Variants in CDK14 observed in about 807,000 individuals in gnomAD.
CDK14 encodes cyclin-dependent kinase 14.
Under a neutral mutation model 60.7 loss-of-function variants are expected in CDK14, and 34 were observed. The observed-to-expected ratio is 0.56, with a 90% CI of 0.43 to 0.75. The LOEUF is 0.75. Ranked by LOEUF, CDK14 falls within the 30% of genes least tolerant of loss-of-function variation. The pLI is 0.00. For missense variants in CDK14, 482 were observed against 564.1 expected, an observed-to-expected ratio of 0.85 and a Z score of 1.47; for synonymous variants, 197 against 203.7, an observed-to-expected ratio of 0.97 and a Z score of 0.28.
intron 10 of CDK14, among the ~76,000 whole-genome samples, chr7:90,994,661 C>T (rs1281983947): frequency 6.6e-6 from 1 of 152,160 alleles, no homozygotes; most frequent in East Asian, 1.9e-4. Context: ...CTCCTTATAG[C>T]CATTATATTA....
chr7:90,782,315 G>T (rs926164005), intron 4 of CDK14, among the ~76,000 whole-genome samples: 2 of 151,918 alleles, frequency 1.3e-5, no homozygotes, highest in Admixed American at 6.6e-5. Flanking sequence ...GGAGATTTTG[G>T]GCTGAGACAA....
chr7:90,890,151 T>A (rs1792069369), intron 6 of CDK14, among the ~76,000 whole-genome samples: 1 of 152,178 alleles, frequency 6.6e-6, no homozygotes, highest in Non-Finnish European at 1.5e-5. Flanking sequence ...GGTGGAAGGA[T>A]CACCTAAGAC....
intron 7 of CDK14, among the ~76,000 whole-genome samples, chr7:90,916,902 A>G (rs552036264): frequency 3.2e-4 from 49 of 152,310 alleles, no homozygotes; most frequent in Non-Finnish European, 6.0e-4. Context: ...ATTTCTTCCA[A>G]AAGTATTACT....
intron 6 of CDK14, among the ~76,000 whole-genome samples, chr7:90,891,195 G>A (rs1792113424): frequency 6.6e-6 from 1 of 152,162 alleles, no homozygotes; most frequent in Non-Finnish European, 1.5e-5. Flanking sequence ...CATTGAAAGG[G>A]TGGCTTAGAG....
intron 14 of CDK14, among the ~76,000 whole-genome samples, chr7:91,170,917 C>A (rs140550514): frequency 6.6e-6 from 1 of 150,550 alleles, no homozygotes; most frequent in African/African-American, 2.4e-5. Context: ...CAGGTGTGCA[C>A]CACCATACCC....
chr7:90,815,559 A>G (rs934692894), intron 5 of CDK14, among the ~76,000 whole-genome samples: 1 of 151,110 alleles, frequency 6.6e-6, no homozygotes, highest in African/African-American at 2.4e-5. Flanking sequence ...CAGCAGTCCC[A>G]TTACTGGGTA....
intron 11 of CDK14, among the ~76,000 whole-genome samples, chr7:91,066,951 CTG>C (rs1798002133): frequency 6.6e-6 from 1 of 152,186 alleles, no homozygotes; most frequent in South Asian, 2.1e-4. Context: ...CTCAGTTATG[CTG>C]TGAGTTAGCC....
intron 11 of CDK14, among the ~76,000 whole-genome samples, chr7:91,057,414 A>T (rs1584271990): frequency 6.6e-6 from 1 of 151,936 alleles, no homozygotes; most frequent in East Asian, 1.9e-4. Flanking sequence ...GTTTAATTAG[A>T]TCCCATTTGT....
intron 11 of CDK14, among the ~76,000 whole-genome samples, chr7:91,078,739 A>G (rs1440733986): frequency 6.6e-6 from 1 of 152,232 alleles, no homozygotes; most frequent in Non-Finnish European, 1.5e-5. Flanking sequence ...ATGTTCGTAC[A>G]TAAGGATGGG....
intron 5 of CDK14, among the ~76,000 whole-genome samples, chr7:90,832,002 T>C (rs1789928754): frequency 6.6e-6 from 1 of 152,032 alleles, no homozygotes. Flanking sequence ...CTCTCCCTTA[T>C]CCAATCAGGT....
intron 9 of CDK14, among the ~76,000 whole-genome samples, chr7:90,972,486 CTT>C (rs1161447803): frequency 6.6e-6 from 1 of 152,112 alleles, no homozygotes; most frequent in Non-Finnish European, 1.5e-5. Flanking sequence ...GAAGAAAACT[CTT>C]TGTTCTATTT....
rs2286697 is a variant in CDK14 at position 90,955,989 on chromosome 7, G to C, written c.947+172G>C. ...CATGATTGGGAATGTTCTCTAATTA[G>C]AGTCTCCTTTGCAGATGCTGTGTGG... On this transcript the variant is annotated intron_variant, in intron 9 of 14. Transcript: ENST00000380050. Among the ~76,000 whole-genome samples, 2,732 of 152,280 alleles carry C rather than the reference G, an allele frequency of 0.018. 148 individuals are homozygous for C. In the East Asian group the frequency reaches 0.18, roughly 10 times the overall value.
chr7:91,098,416 A>T (rs911998174), intron 12 of CDK14, among the ~76,000 whole-genome samples: 9 of 152,106 alleles, frequency 5.9e-5, no homozygotes, highest in Non-Finnish European at 1.0e-4. Context: ...ATGATGAGTT[A>T]AGGGGCGCAG....
chr7:90,668,896 T>TA (rs1009845539), intron 2 of CDK14, among the ~76,000 whole-genome samples: 14 of 151,712 alleles, frequency 9.2e-5, no homozygotes, highest in African/African-American at 2.2e-4. Flanking sequence ...TTTATTTATT[T>TA]TTTTTTACAA....
intron 8 of CDK14, among the ~76,000 whole-genome samples, chr7:90,948,388 A>G (rs1794161603): frequency 6.6e-6 from 1 of 152,208 alleles, no homozygotes; most frequent in African/African-American, 2.4e-5. Context: ...GGGATTGTTG[A>G]GGTGGAATTA....
intron 6 of CDK14, among the ~76,000 whole-genome samples, chr7:90,871,975 G>A (rs1243984450): frequency 6.6e-6 from 1 of 152,110 alleles, no homozygotes; most frequent in Non-Finnish European, 1.5e-5. Context: ...AGCTCATTAT[G>A]GTCATTCACT....
At chr7:91,141,444 T>G (rs1300101087) in intron 14 of CDK14, among the ~76,000 whole-genome samples, 1 of 152,140 alleles carries the variant, frequency 6.6e-6, no homozygotes. Flanking sequence ...TAGGTTGATA[T>G]AGCAACAGAG....
intron 5 of CDK14, among the ~76,000 whole-genome samples, chr7:90,811,943 C>G (rs949675054): frequency 6.6e-6 from 1 of 152,058 alleles, no homozygotes; most frequent in African/African-American, 2.4e-5. Flanking sequence ...GTTAGAATTG[C>G]GATCATTAAA....
chr7:90,718,675 C>T (rs1016468298), intron 2 of CDK14, among the ~76,000 whole-genome samples: 19 of 152,110 alleles, frequency 1.2e-4, no homozygotes, highest in African/African-American at 4.3e-4. Context: ...TATATGTGTA[C>T]ATATCTTTGC....
Sources: allele counts gnomAD v4.1 joint callset (sites outside exome capture counted in the v4.1 genomes callset), GRCh38; gene constraint gnomAD v4.1.1; transcripts MANE v1.5; gene names NCBI Gene and HGNC (gene_info 2026-07-23, HGNC 2026-07-21).